POU3F3: variants seen among roughly 807,000 people sequenced by gnomAD.
POU3F3 encodes POU domain, class 3, transcription factor 3.
POU3F3 carries 1 observed loss-of-function variant against 8.6 expected under a neutral mutation model. The observed-to-expected ratio is 0.12, with a 90% CI of 0.04 to 0.55. The LOEUF (loss-of-function observed/expected upper bound fraction) is 0.55, where lower values mean the gene tolerates loss of function less well. POU3F3 is among the 20% of genes least tolerant of loss of function. POU3F3 has a pLI of 0.91. For synonymous variants in POU3F3, 418 were observed against 327.4 expected, an observed-to-expected ratio of 1.28 and a Z score of -2.99; for missense variants, 577 against 690.7, an observed-to-expected ratio of 0.84 and a Z score of 1.84.
the POU3F3 span, among the ~76,000 whole-genome samples, chr2:104,923,293 T>C: frequency 6.6e-6 from 1 of 152,226 alleles, no homozygotes; most frequent in Non-Finnish European, 1.5e-5. Context: ...TTTTGTTTTC[T>C]ACATAATGTA....
At chr2:104,921,022 A>G in the POU3F3 span, among the ~76,000 whole-genome samples, 1 of 152,158 alleles carries the variant, frequency 6.6e-6, no homozygotes, top group African/African-American at 2.4e-5. Flanking sequence ...TTTTTTGCAT[A>G]CATCCTCTAA....
chr2:104,868,807 AT>A, the POU3F3 span, among the ~76,000 whole-genome samples: 1 of 152,214 alleles, frequency 6.6e-6, no homozygotes, highest in Non-Finnish European at 1.5e-5. Flanking sequence ...ACGCTACTGT[AT>A]TTTATGCAAC....
At position 104,855,553 on chromosome 2, in the gene POU3F3, C is replaced by G. The variant is rs1676537539; in HGVS notation, c.43C>G (p.Leu15Val). Reference protein sequence around the residue: ...ASNPYLPGNSLLAAGSIVHSD... With the variant: ...ASNPYLPGNSVLAAGSIVHSD... ...TAACCCCTACCTGCCGGGGAACAGC[C>G]TGCTCGCGGCCGGCTCTATTGTGCA... Residue 15 changes from leucine to valine, a missense_variant, in exon 1 of 1, where the codon CTG (leucine) becomes GTG (valine). By Grantham distance (32) the Leu-to-Val change is conservative. Transcript: ENST00000361360. 1.9e-6 allele frequency: 2 copies of G among 1,041,130 alleles called. No individual in the cohort carries two copies. The highest frequency in any genetic ancestry group is 2.3e-6 in the Non-Finnish European group (2 of 864,232). The allele number at this position is 1,041,130 out of a possible 1,614,324, so 64.5% of individuals were successfully genotyped here.
downstream of POU3F3, among the ~76,000 whole-genome samples, chr2:104,859,370 T>G (rs1676629570): frequency 6.6e-6 from 1 of 152,220 alleles, no homozygotes. Flanking sequence ...ATTTACAATG[T>G]GGGAAAATGA....
At chr2:104,865,288 A>C in the POU3F3 span, 1 of 152,258 alleles carries the variant, frequency 6.6e-6, no homozygotes, top group Non-Finnish European at 1.5e-5. Flanking sequence ...AGTGTGAATC[A>C]TCTGTGTGAC....
chr2:104,922,819 A>G, the POU3F3 span, among the ~76,000 whole-genome samples: 1 of 152,236 alleles, frequency 6.6e-6, no homozygotes, highest in Non-Finnish European at 1.5e-5. Flanking sequence ...ATGAACTCCA[A>G]GTAGGATGAA....
the POU3F3 span, among the ~76,000 whole-genome samples, chr2:104,865,189 A>G: frequency 3.0e-4 from 45 of 152,334 alleles, 2 homozygotes; most frequent in South Asian, 9.1e-3. Flanking sequence ...CTTTAATTCA[A>G]GAAGTTTTCT....
the POU3F3 span, among the ~76,000 whole-genome samples, chr2:104,894,275 A>G: frequency 5.6e-3 from 847 of 152,364 alleles, 7 homozygotes; most frequent in African/African-American, 0.02. Flanking sequence ...CTTTTTCTGC[A>G]TTGACCACAC....
the POU3F3 span, among the ~76,000 whole-genome samples, chr2:104,908,273 T>C: frequency 6.6e-6 from 1 of 152,106 alleles, no homozygotes; most frequent in Non-Finnish European, 1.5e-5. Context: ...GGGCTGTCAT[T>C]GATGAAAATG....
the POU3F3 span, chr2:104,872,543 C>A: frequency 0.22 from 70,025 of 319,322 alleles, 7,957 homozygotes; most frequent in Middle Eastern, 0.3. The surrounding 1 kb of genome is among the most constrained non-coding windows in gnomAD (Gnocchi z 4.6). Context: ...CTAACCCCCG[C>A]CCTCCCGGTC....
At chr2:104,879,104 C>T in the POU3F3 span, among the ~76,000 whole-genome samples, 1 of 152,018 alleles carries the variant, frequency 6.6e-6, no homozygotes, top group Non-Finnish European at 1.5e-5. Context: ...ACACAGAGCA[C>T]ACAACACACT....
At chr2:104,884,964 A>G in the POU3F3 span, among the ~76,000 whole-genome samples, 10 of 152,296 alleles carry the variant, frequency 6.6e-5, 1 homozygote, top group South Asian at 2.1e-3. Context: ...CTTAGTGTGC[A>G]CTGAGACCTG....
the POU3F3 span, among the ~76,000 whole-genome samples, chr2:104,865,103 C>A: frequency 6.6e-6 from 1 of 152,298 alleles, no homozygotes; most frequent in East Asian, 1.9e-4. Context: ...GAGTTTATAT[C>A]TAGGTAGAGT....
chr2:104,913,784 C>T, the POU3F3 span, among the ~76,000 whole-genome samples: 4 of 152,132 alleles, frequency 2.6e-5, no homozygotes, highest in Non-Finnish European at 5.9e-5. Context: ...ATCTTCACAT[C>T]GTTATTTTCA....
chr2:104,855,101 G>T lies in POU3F3; in HGVS notation c.-410G>T, dbSNP rs1423039898. Among the ~76,000 whole-genome samples, 2 of 151,794 alleles carry T rather than the reference G, an allele frequency of 1.3e-5. No homozygotes were observed. Among genetic ancestry groups the T allele is most frequent in the Non-Finnish European group, 2.9e-5 (2 of 67,892 alleles). On this transcript the variant is annotated 5_prime_UTR_variant, in exon 1 of 1. Coordinates refer to ENST00000361360, the MANE Select transcript of POU3F3 (RefSeq NM_006236.3). ...CCGCCCCGCCCGGCGAGCCCCGCTG[G>T]AGCGAGCCCAGCGCGCCGGGGCTGG...
the POU3F3 span, among the ~76,000 whole-genome samples, chr2:104,922,493 C>T: frequency 6.6e-6 from 1 of 151,038 alleles, no homozygotes; most frequent in Admixed American, 6.6e-5. Flanking sequence ...AAAAGACATT[C>T]TGGAGCTGAA....
At chr2:104,885,350 A>C in the POU3F3 span, among the ~76,000 whole-genome samples, 1 of 152,226 alleles carries the variant, frequency 6.6e-6, no homozygotes, top group Non-Finnish European at 1.5e-5. Flanking sequence ...AGTAAGGCTG[A>C]GACCTGCATT....
In POU3F3 at chr2:104,857,664, C is replaced by CA. The variant is rs1676599657; in HGVS notation, c.*652dup. The CA allele has an allele frequency of 6.5e-6, 1 of 153,638 alleles. No individual in the cohort carries two copies. 9.5% of individuals were successfully genotyped at this position (153,638 alleles called of 1,614,324 possible). A position where few individuals can be genotyped will look rare whatever the true frequency, so the allele number is the denominator to read the frequency against. On this transcript the variant is annotated 3_prime_UTR_variant, in exon 1 of 1. Transcript: ENST00000361360. The stretch of plus-strand genomic sequence containing the variant: ...GGCACCAGGTTCCATCAGGGGACGA[C>CA]ACCGTGCTCTGGGACCCTGTTTTTC...
the POU3F3 span, among the ~76,000 whole-genome samples, chr2:104,922,805 C>T: frequency 2.0e-5 from 3 of 152,144 alleles, no homozygotes; most frequent in Admixed American, 6.5e-5. Flanking sequence ...ATCCAAGTAG[C>T]TCAATGAACT....
Sources: allele counts gnomAD v4.1 joint callset (sites outside exome capture counted in the v4.1 genomes callset), GRCh38; gene constraint gnomAD v4.1.1; non-coding constraint Gnocchi (gnomAD v3.1); transcripts MANE v1.5; gene names NCBI Gene and HGNC (gene_info 2026-07-23, HGNC 2026-07-21).